Variants in TASP1 observed in about 807,000 individuals in gnomAD.
The protein encoded by TASP1 is taspase 1.
Under a neutral mutation model 56.6 loss-of-function variants are expected in TASP1, and 16 were observed. The ratio of observed to expected loss-of-function variants is 0.28; its 90% CI spans 0.19 to 0.43. TASP1 has a LOEUF of 0.43. TASP1 is among the 20% of genes least tolerant of loss of function. The probability of loss-of-function intolerance (pLI) is 1.00; values close to 1 mark genes in which losing one functional copy is unlikely to be tolerated. For missense variants in TASP1, 393 were observed against 511.6 expected (o/e 0.77, Z 2.24); for synonymous variants, 179 against 184.2 (o/e 0.97, Z 0.23).
At chr20:13,600,044 TC>T (rs1169992738) in intron 4 of TASP1, among the ~76,000 whole-genome samples, 2 of 152,064 alleles carry the variant, frequency 1.3e-5, no homozygotes, top group African/African-American at 2.4e-5. Flanking sequence ...TATCATAGCA[TC>T]AAAACATGAA....
the TASP1 span, among the ~76,000 whole-genome samples, chr20:13,377,489 G>A: frequency 9.9e-5 from 15 of 152,220 alleles, no homozygotes; most frequent in Admixed American, 8.5e-4. Context: ...ATTTTATTGA[G>A]GATTTTTGCA....
rs958381104 is a variant in TASP1, at chr20:13,579,895, A to G, written c.488+1002T>C. On this transcript the variant is annotated intron_variant, in intron 6 of 13. Transcript: ENST00000337743. ...ATTTAAGATTTTTCTAAACTATATT[A>G]ATTTATTTTCTGTGACTTCAAAACA... Among the ~76,000 whole-genome samples, 4 of 152,208 alleles carry G rather than the reference A, an allele frequency of 2.6e-5. No homozygotes were observed. In the East Asian group the frequency reaches 7.7e-4, roughly 29 times the overall value.
chr20:13,360,209 C>A, the TASP1 span, among the ~76,000 whole-genome samples: 1 of 151,554 alleles, frequency 6.6e-6, no homozygotes, highest in African/African-American at 2.4e-5. Flanking sequence ...AACATGCTTT[C>A]TTTACTATTC....
the TASP1 span, among the ~76,000 whole-genome samples, chr20:13,277,784 G>A: frequency 6.6e-6 from 1 of 152,016 alleles, no homozygotes; most frequent in Non-Finnish European, 1.5e-5. Flanking sequence ...CGTGACAGAG[G>A]AGAAGGGTGC....
the TASP1 span, among the ~76,000 whole-genome samples, chr20:13,249,496 A>G: frequency 4.6e-5 from 7 of 152,320 alleles, no homozygotes; most frequent in East Asian, 3.9e-4. Flanking sequence ...CAAAAGCCCA[A>G]TCGAGGATGT....
intron 11 of TASP1, among the ~76,000 whole-genome samples, chr20:13,441,754 G>A (rs377637788): frequency 6.6e-6 from 1 of 152,208 alleles, no homozygotes; most frequent in African/African-American, 2.4e-5. Flanking sequence ...CCAGTTGAGA[G>A]ATGACAGTGG....
At chr20:13,505,152 T>C (rs895686146) in intron 10 of TASP1, among the ~76,000 whole-genome samples, 1 of 151,838 alleles carries the variant, frequency 6.6e-6, no homozygotes, top group Non-Finnish European at 1.5e-5. Flanking sequence ...AGACTTCAAG[T>C]CAAAAGGTGT....
the TASP1 span, among the ~76,000 whole-genome samples, chr20:13,353,813 G>A: frequency 6.6e-6 from 1 of 152,134 alleles, no homozygotes; most frequent in Non-Finnish European, 1.5e-5. Context: ...CCTATTTTAA[G>A]TACTTTATTA....
chr20:13,153,401 A>G, the TASP1 span, among the ~76,000 whole-genome samples: 2 of 152,052 alleles, frequency 1.3e-5, no homozygotes, highest in Non-Finnish European at 2.9e-5. Context: ...CTGGCTTGGG[A>G]AAGCAGGGGT....
chr20:13,621,444 T>C (rs1176385087), intron 4 of TASP1, among the ~76,000 whole-genome samples: 1 of 151,872 alleles, frequency 6.6e-6, no homozygotes, highest in Non-Finnish European at 1.5e-5. Context: ...AATATATATA[T>C]AAAAAATAAA....
chr20:13,549,896 T>C (rs1011376224), intron 8 of TASP1, among the ~76,000 whole-genome samples: 4 of 152,286 alleles, frequency 2.6e-5, no homozygotes, highest in East Asian at 1.9e-4. Flanking sequence ...CAATATCTGA[T>C]GTCAACTTAT....
At chr20:13,543,185 C>A (rs574155154) in intron 8 of TASP1, among the ~76,000 whole-genome samples, 1 of 152,322 alleles carries the variant, frequency 6.6e-6, no homozygotes, top group Admixed American at 6.5e-5. Flanking sequence ...ATCTCTGCCT[C>A]ACTTGTACTT....
At chr20:13,629,407 T>C (rs2049009943) in intron 2 of TASP1, among the ~76,000 whole-genome samples, 1 of 150,978 alleles carries the variant, frequency 6.6e-6, no homozygotes, top group Non-Finnish European at 1.5e-5. Context: ...TCAAAGATTG[T>C]GTAATAATTA....
At chr20:13,610,903 G>A (rs1407521930) in intron 4 of TASP1, among the ~76,000 whole-genome samples, 1 of 152,096 alleles carries the variant, frequency 6.6e-6, no homozygotes. Flanking sequence ...ACATCTGGAG[G>A]GGGCTTGTAA....
chr20:13,636,226 A>C (rs2049302847), intron 1 of TASP1, among the ~76,000 whole-genome samples: 1 of 148,148 alleles, frequency 6.8e-6, no homozygotes, highest in Admixed American at 6.8e-5. Flanking sequence ...ACTCACTGCA[A>C]TCTCTGCCTC....
At chr20:13,181,298 G>A in the TASP1 span, among the ~76,000 whole-genome samples, 2 of 152,168 alleles carry the variant, frequency 1.3e-5, no homozygotes, top group Non-Finnish European at 2.9e-5. Flanking sequence ...GGGGCAACAG[G>A]CTCATCAATG....
At chr20:13,520,848 G>T (rs1003598686) in intron 10 of TASP1, among the ~76,000 whole-genome samples, 2 of 152,098 alleles carry the variant, frequency 1.3e-5, no homozygotes, top group Non-Finnish European at 2.9e-5. Context: ...CCTATAGAAT[G>T]GGAGAAAATT....
At chr20:13,215,845 G>A in the TASP1 span, among the ~76,000 whole-genome samples, 1 of 152,174 alleles carries the variant, frequency 6.6e-6, no homozygotes, top group Non-Finnish European at 1.5e-5. Flanking sequence ...TGGCGATCCA[G>A]GTGTCCCACA....
the TASP1 span, among the ~76,000 whole-genome samples, chr20:13,326,307 T>C: frequency 6.6e-6 from 1 of 152,184 alleles, no homozygotes; most frequent in African/African-American, 2.4e-5. Context: ...GCACCTAAGA[T>C]TTCATTTCTC....
Sources: gnomAD v4.1 joint callset for allele counts (sites outside exome capture counted in the v4.1 genomes callset) on GRCh38, gnomAD v4.1.1 for gene constraint, MANE v1.5 for transcripts, NCBI Gene and HGNC (gene_info 2026-07-23, HGNC 2026-07-21) for gene names.